Variants in HS3ST4 observed in about 807,000 individuals in gnomAD.
The protein encoded by HS3ST4 is heparan sulfate glucosamine 3-O-sulfotransferase 4.
Under a neutral mutation model 29.2 loss-of-function variants are expected in HS3ST4, and 17 were observed. The observed-to-expected ratio is 0.58, with a 90% confidence interval of 0.40 to 0.87. HS3ST4 has a LOEUF of 0.87. HS3ST4 is among the 40% of genes least tolerant of loss of function. The pLI is 0.00. For synonymous variants in HS3ST4, 314 were observed against 285.7 expected (o/e 1.10, Z -1.00); for missense variants, 627 against 634.5 (o/e 0.99, Z 0.13).
chr16:25,923,951 G>A (rs903504112), intron 1 of HS3ST4, among the ~76,000 whole-genome samples: 4 of 152,036 alleles, frequency 2.6e-5, no homozygotes, highest in Non-Finnish European at 4.4e-5. Flanking sequence ...CTTCAATTTC[G>A]GGACAATGAT....
intron 1 of HS3ST4, among the ~76,000 whole-genome samples, chr16:26,111,956 G>A (rs1429346034): frequency 2.7e-5 from 4 of 150,400 alleles, no homozygotes; most frequent in Non-Finnish European, 5.9e-5. Context: ...GGCGGAGGTT[G>A]CAGCAAGCCA....
chr16:26,056,789 A>G (rs1898413333), intron 1 of HS3ST4, among the ~76,000 whole-genome samples: 1 of 152,212 alleles, frequency 6.6e-6, no homozygotes, highest in African/African-American at 2.4e-5. Flanking sequence ...TTTCATGATA[A>G]TGCAGATCAG....
chr16:25,880,646 C>G (rs1231425529), intron 1 of HS3ST4, among the ~76,000 whole-genome samples: 1 of 152,158 alleles, frequency 6.6e-6, no homozygotes, highest in African/African-American at 2.4e-5. Flanking sequence ...GGGCATTTGT[C>G]ACCTCCCCCT....
chr16:25,944,650 C>G (rs1378089047), intron 1 of HS3ST4, among the ~76,000 whole-genome samples: 1 of 152,214 alleles, frequency 6.6e-6, no homozygotes, highest in Non-Finnish European at 1.5e-5. Flanking sequence ...CATGAGCTAC[C>G]TAACAGGTGT....
intron 1 of HS3ST4, among the ~76,000 whole-genome samples, chr16:25,839,698 T>G (rs897153827): frequency 2.0e-5 from 3 of 151,844 alleles, no homozygotes; most frequent in Non-Finnish European, 2.9e-5. Flanking sequence ...CTCTTCACTG[T>G]TTTGTCTATG....
At chr16:25,834,336 T>C (rs1967336171) in intron 1 of HS3ST4, among the ~76,000 whole-genome samples, 1 of 152,162 alleles carries the variant, frequency 6.6e-6, no homozygotes, top group Admixed American at 6.5e-5. Flanking sequence ...CTCTAGGTGA[T>C]GTAAATTGAG....
At chr16:26,026,009 C>T (rs952958724) in intron 1 of HS3ST4, among the ~76,000 whole-genome samples, 4 of 151,970 alleles carry the variant, frequency 2.6e-5, no homozygotes, top group African/African-American at 7.3e-5. Context: ...CTCTTGATCT[C>T]GTGGTCTGCC....
intron 1 of HS3ST4, among the ~76,000 whole-genome samples, chr16:25,729,973 G>T (rs1021078936): frequency 6.6e-6 from 1 of 151,918 alleles, no homozygotes; most frequent in Non-Finnish European, 1.5e-5. Flanking sequence ...ACCACAAAGA[G>T]AAAAGAAAAA....
chr16:26,066,474 C>T (rs530130226), intron 1 of HS3ST4, among the ~76,000 whole-genome samples: 2 of 152,216 alleles, frequency 1.3e-5, no homozygotes, highest in African/African-American at 4.8e-5. Context: ...AAGAAATGAA[C>T]AAAGGCGAAA....
intron 1 of HS3ST4, among the ~76,000 whole-genome samples, chr16:25,865,640 A>G (rs1353849190): frequency 6.6e-6 from 1 of 152,206 alleles, no homozygotes; most frequent in Non-Finnish European, 1.5e-5. Context: ...GACCAATGAA[A>G]CATAATAGAA....
intron 1 of HS3ST4, among the ~76,000 whole-genome samples, chr16:25,983,216 C>G (rs1969026382): frequency 6.6e-6 from 1 of 152,202 alleles, no homozygotes; most frequent in African/African-American, 2.4e-5. Flanking sequence ...ACTTTCCACC[C>G]CAACCCACTT....
intron 1 of HS3ST4, among the ~76,000 whole-genome samples, chr16:26,110,214 A>G (rs1899110887): frequency 6.6e-6 from 1 of 152,188 alleles, no homozygotes; most frequent in Non-Finnish European, 1.5e-5. Flanking sequence ...TGCTGTTACA[A>G]TGACAAGATT....
intron 1 of HS3ST4, among the ~76,000 whole-genome samples, chr16:25,939,709 T>C (rs1968554479): frequency 6.6e-6 from 1 of 152,126 alleles, no homozygotes; most frequent in Non-Finnish European, 1.5e-5. Context: ...CATACTTGCC[T>C]CTTTGCACTG....
At chr16:26,109,033 A>G (rs924746781) in intron 1 of HS3ST4, among the ~76,000 whole-genome samples, 4 of 152,156 alleles carry the variant, frequency 2.6e-5, no homozygotes, top group African/African-American at 9.7e-5. Flanking sequence ...ATTATACAGG[A>G]ACAAACATGT....
At chr16:25,710,318 G>A (rs1966406817) in intron 1 of HS3ST4, among the ~76,000 whole-genome samples, 1 of 152,154 alleles carries the variant, frequency 6.6e-6, no homozygotes, top group African/African-American at 2.4e-5. Context: ...ATTATATCCT[G>A]GAGGATCTTG....
At chr16:25,900,393 A>G (rs1234110844) in intron 1 of HS3ST4, among the ~76,000 whole-genome samples, 1 of 152,176 alleles carries the variant, frequency 6.6e-6, no homozygotes, top group Non-Finnish European at 1.5e-5. Flanking sequence ...ATTAGAATTT[A>G]TATTATAATG....
At chr16:25,838,487 G>C (rs1403494971) in intron 1 of HS3ST4, among the ~76,000 whole-genome samples, 1 of 152,162 alleles carries the variant, frequency 6.6e-6, no homozygotes, top group African/African-American at 2.4e-5. Flanking sequence ...ATATAGGATC[G>C]TGATTCATAT....
intron 1 of HS3ST4, among the ~76,000 whole-genome samples, chr16:25,839,390 C>T (rs1967391282): frequency 6.6e-6 from 1 of 152,210 alleles, no homozygotes; most frequent in African/African-American, 2.4e-5. Flanking sequence ...CATGTGAAAT[C>T]ACCCATTGGA....
At chr16:26,014,097 C>T (rs891979131) in intron 1 of HS3ST4, among the ~76,000 whole-genome samples, 9 of 152,040 alleles carry the variant, frequency 5.9e-5, no homozygotes, top group Non-Finnish European at 1.3e-4. Flanking sequence ...CTCCCTTTCT[C>T]TTCCGCTATT....
Sources: gnomAD v4.1 joint callset for allele counts (sites outside exome capture counted in the v4.1 genomes callset) on GRCh38, gnomAD v4.1.1 for gene constraint, MANE v1.5 for transcripts, NCBI Gene and HGNC (gene_info 2026-07-23, HGNC 2026-07-21) for gene names.